The following ZZEF1 variants were observed in gnomAD, a reference collection of about 807,000 sequenced individuals.
ZZEF1 encodes the protein zinc finger ZZ-type and EF-hand domain containing 1.
Under a neutral mutation model 342.8 loss-of-function variants are expected in ZZEF1, and 157 were observed. The ratio of observed to expected loss-of-function variants is 0.46; its 90% CI spans 0.40 to 0.52. ZZEF1 has a LOEUF of 0.52. Among genes scored for constraint, ZZEF1 ranks in the 20% least tolerant of loss-of-function variants. The pLI is 0.00. For synonymous variants in ZZEF1, 1,505 were observed against 1,429.1 expected (o/e 1.05, Z -1.20); for missense variants, 3,480 against 3,725.6 (o/e 0.93, Z 1.72).
rs747333427 is a variant in ZZEF1 at position 4,052,043 on chromosome 17, C to T, written c.5528G>A (p.Arg1843Lys). 6.2e-7 allele frequency: 1 copy of T among 1,614,198 alleles called. No individual in the cohort carries two copies. Among genetic ancestry groups the T allele is most frequent in the Non-Finnish European group, 8.5e-7 (1 of 1,180,034 alleles). Residue 1843 changes from arginine (R) to lysine (K), a missense_variant, in exon 35 of 55, where the codon AGG (arginine) becomes AAG (lysine). Coordinates refer to ENST00000381638, the MANE Select transcript of ZZEF1 (RefSeq NM_015113.4). ...DHCQGLIIGRRMNCNVCDDFD... is the reference protein window; with the variant it reads ...DHCQGLIIGRKMNCNVCDDFD... Reference sequence around the variant, plus strand: ...GTCATCGCAAACATTGCAGTTCATCCTCCGGCCTATGATCAAACCCTGGCA... The same window carrying T: ...GTCATCGCAAACATTGCAGTTCATCTTCCGGCCTATGATCAAACCCTGGCA...
intron 8 of ZZEF1, 83 bp from the exon 9 acceptor site, chr17:4,102,498 C>A: frequency 1.7e-6 from 2 of 1,167,412 alleles, no homozygotes; most frequent in Non-Finnish European, 2.5e-6. Context: ...GAAATAGAGT[C>A]CTGTGGCTAC....
At chr17:4,088,183 C>T (rs2057875454) in intron 13 of ZZEF1, among the ~76,000 whole-genome samples, 1 of 152,122 alleles carries the variant, frequency 6.6e-6, no homozygotes, top group African/African-American at 2.4e-5. Context: ...TAAGAATCTT[C>T]CTTTGAGTGA....
intron 1 of ZZEF1, among the ~76,000 whole-genome samples, chr17:4,139,297 A>G (rs1026739048): frequency 1.6e-4 from 24 of 152,104 alleles, no homozygotes; most frequent in Non-Finnish European, 2.6e-4. Context: ...CGTGGACACC[A>G]ATGGCAGCGT....
At chr17:4,097,250 T>A (rs2058051752) in intron 9 of ZZEF1, among the ~76,000 whole-genome samples, 2 of 50,924 alleles carry the variant, frequency 3.9e-5, no homozygotes. Flanking sequence ...AAACTCCGTC[T>A]CAAAAAAAAA....
chr17:4,105,175 C>G (rs886286177), intron 7 of ZZEF1, among the ~76,000 whole-genome samples: 1 of 152,196 alleles, frequency 6.6e-6, no homozygotes, highest in Non-Finnish European at 1.5e-5. Flanking sequence ...CACTTCTTTG[C>G]TTTTAATTTA....
chr17:4,070,712 T>A lies in ZZEF1; in HGVS notation c.4047A>T (p.Pro1349=), dbSNP rs780697976. 3.7e-6 allele frequency: 6 copies of A among 1,614,060 alleles called. No homozygotes were observed. The Admixed American group carries it at 1.0e-4, about 27-fold the overall frequency. Residue 1349 remains proline (P), a synonymous_variant, in exon 26 of 55, where the codon CCA becomes CCT. Transcript: ENST00000381638. ...ATFAALVYRT[P]DLYEKLQKYV... is the part of the protein sequence containing the mutation. Reference sequence around the variant, plus strand: ...ATTTTTGCAGCTTCTCATATAAATCTGGAGTGCGATACACCAGAGCAGCAA... The same window carrying A: ...ATTTTTGCAGCTTCTCATATAAATCAGGAGTGCGATACACCAGAGCAGCAA...
At chr17:4,137,931 C>G (rs2058779347) in intron 1 of ZZEF1, among the ~76,000 whole-genome samples, 1 of 152,240 alleles carries the variant, frequency 6.6e-6, no homozygotes, top group Non-Finnish European at 1.5e-5. Context: ...GAACTGATAG[C>G]AAGGTCCATA....
At chr17:4,039,522 A>T (rs1352150044) in intron 39 of ZZEF1, among the ~76,000 whole-genome samples, 1 of 152,150 alleles carries the variant, frequency 6.6e-6, no homozygotes, top group Non-Finnish European at 1.5e-5. Flanking sequence ...GGAGATGCAA[A>T]TGGGGCAGAC....
intron 14 of ZZEF1, among the ~76,000 whole-genome samples, 168 bp from the exon 15 acceptor site, chr17:4,086,823 C>G (rs565802020): frequency 3.0e-4 from 45 of 152,326 alleles, no homozygotes; most frequent in African/African-American, 1.1e-3. Flanking sequence ...GAACACTGTA[C>G]TAAATGTCTG....
At chr17:4,036,817 ACT>A (rs368445866) in intron 39 of ZZEF1, among the ~76,000 whole-genome samples, 3,600 of 72,034 alleles carry the variant, frequency 0.05, 44 homozygotes, top group South Asian at 0.071. Flanking sequence ...ACACACACAC[ACT>A]CTCTCTCTCT....
At chr17:4,087,782 CAA>C (rs1491479732) in intron 13 of ZZEF1, among the ~76,000 whole-genome samples, 1 of 81,976 alleles carries the variant, frequency 1.2e-5, no homozygotes, top group African/African-American at 4.9e-5. Context: ...TATATACACA[CAA>C]CACACACACA....
Position 4,019,709 on chromosome 17 carries a change from T to A in ZZEF1, c.7465A>T (p.Met2489Leu). ...HILRAIYELQMKKTDYFFLEV... is the reference protein window; with the variant it reads ...HILRAIYELQLKKTDYFFLEV... Reference sequence around the variant, plus strand: ...AGGAAGAAATAATCGGTCTTTTTCATCTGCAGTTCGTATATGGCCCGGAGA... The same window carrying A: ...AGGAAGAAATAATCGGTCTTTTTCAACTGCAGTTCGTATATGGCCCGGAGA... The change falls in exon 46 of 55, where the codon ATG becomes TTG. Residue 2489 changes from methionine to leucine, a missense_variant. This residue lies in a region of ZZEF1 where 1,269 missense variants were observed against 1,342.4 expected (regional missense o/e 0.95). Transcript: ENST00000381638. 1 of 1,613,236 alleles carries A rather than the reference T, an allele frequency of 6.2e-7. No individual in the cohort carries two copies.
rs189991958 is a variant in ZZEF1, at chr17:4,013,729, T to A, written c.8414-115A>T. The stretch of plus-strand genomic sequence containing the variant: ...AAGAATTCTACATTTTATAAACTGC[T>A]CAAATTTTAATAACTGTGATCATTT... On this transcript the variant is annotated intron_variant, in intron 51 of 54. Coordinates refer to ENST00000381638, the MANE Select transcript of ZZEF1 (RefSeq NM_015113.4). 18 of 1,180,076 alleles carry A rather than the reference T, an allele frequency of 1.5e-5. No homozygotes were observed. In the East Asian group the frequency reaches 2.5e-4, roughly 16 times the overall value. The allele number at this position is 1,180,076 out of a possible 1,614,324, so 73.1% of individuals were successfully genotyped here. A position where few individuals can be genotyped will look rare whatever the true frequency, so the allele number is the denominator to read the frequency against.
At chr17:4,111,776 A>T (rs981696186) in intron 5 of ZZEF1, among the ~76,000 whole-genome samples, 2 of 146,378 alleles carry the variant, frequency 1.4e-5, no homozygotes, top group Admixed American at 1.4e-4. Context: ...ATATATATAT[A>T]TTTATAATCC....
At chr17:4,118,069 G>C (rs2058426939) in intron 2 of ZZEF1, among the ~76,000 whole-genome samples, 1 of 152,172 alleles carries the variant, frequency 6.6e-6, no homozygotes, top group Non-Finnish European at 1.5e-5. Flanking sequence ...ACTGGTAATA[G>C]GGAACCCCCC....
In ZZEF1 at chr17:4,050,714, A is replaced by G; in HGVS notation, c.5863+67T>C. 3 of 1,602,522 alleles carry G rather than the reference A, an allele frequency of 1.9e-6. No homozygotes were observed. In the East Asian group the frequency reaches 6.7e-5, roughly 36 times the overall value. ...CTGTAAACTAAGCTTAGTATTTTAC[A>G]TTTGCCAAGGCTTTTTTTCACCAGC... On this transcript the variant is annotated intron_variant, in intron 36 of 54. Coordinates refer to ENST00000381638, the MANE Select transcript of ZZEF1 (RefSeq NM_015113.4).
At chr17:4,132,201 CTTTTT>C (rs34252779) in intron 1 of ZZEF1, among the ~76,000 whole-genome samples, 2 of 134,968 alleles carry the variant, frequency 1.5e-5, no homozygotes, top group Non-Finnish European at 1.6e-5. Flanking sequence ...TAAATTTTCT[CTTTTT>C]TTTTTTTTTT....
chr17:4,025,305 C>A (rs939245609), intron 42 of ZZEF1, among the ~76,000 whole-genome samples, 187 bp from the exon 43 acceptor site: 3 of 152,224 alleles, frequency 2.0e-5, no homozygotes, highest in African/African-American at 7.2e-5. Flanking sequence ...GCTACCTATC[C>A]ATCAAGCAAC....
intron 8 of ZZEF1, among the ~76,000 whole-genome samples, chr17:4,103,868 C>T (rs544643783): frequency 6.6e-6 from 1 of 151,990 alleles, no homozygotes; most frequent in Non-Finnish European, 1.5e-5. Flanking sequence ...TGCAGTGAGC[C>T]GTGATCATGC....
Sources: allele counts gnomAD v4.1 joint callset (sites outside exome capture counted in the v4.1 genomes callset), GRCh38; gene constraint gnomAD v4.1.1; regional missense constraint gnomAD v4.1.1; transcripts MANE v1.5; gene names NCBI Gene and HGNC (gene_info 2026-07-23, HGNC 2026-07-21).